MYO6: variants seen among roughly 807,000 people sequenced by gnomAD.
The protein encoded by MYO6 is unconventional myosin-VI.
A neutral mutation model predicts 178.7 loss-of-function variants in MYO6; 74 were observed. The observed-to-expected ratio is 0.41, with a 90% CI of 0.34 to 0.50. The LOEUF is 0.50. Ranked by LOEUF, MYO6 falls within the 20% of genes least tolerant of loss-of-function variation. The pLI is 0.09. For missense variants in MYO6, 1,330 were observed against 1,547.4 expected (o/e 0.86, Z 2.36); for synonymous variants, 477 against 504.6 (o/e 0.95, Z 0.73).
At chr6:75,783,781 C>G (rs1361071173) in intron 1 of MYO6, among the ~76,000 whole-genome samples, 2 of 151,962 alleles carry the variant, frequency 1.3e-5, no homozygotes, top group African/African-American at 4.8e-5. Flanking sequence ...ATCATCTAGA[C>G]CACAACATAA....
At chr6:75,857,031 C>T in intron 12 of MYO6, 66 bp from the exon 13 acceptor site, 2 of 1,471,150 alleles carry the variant, frequency 1.4e-6, no homozygotes, top group African/African-American at 1.4e-5. Flanking sequence ...TGTTTAGGTG[C>T]ACTCTGTGGC....
Position 75,830,499 on chromosome 6 carries a change from T to C in MYO6, c.345T>C (p.Tyr115=). ...ATTCTTCAGAAGCAATAAAGTCATA[T>C]CAAGGAAAATCTCTTGGGACAAGAC... is the stretch of plus-strand genomic sequence containing the variant. ...KIYSSEAIKS[Y]QGKSLGTRPP... The change falls in exon 5 of 35, where the codon TAT becomes TAC. Residue 115 remains tyrosine (Y), a synonymous_variant. Coordinates refer to ENST00000369977, the MANE Select transcript of MYO6 (RefSeq NM_004999.4). 6.2e-7 allele frequency: 1 copy of C among 1,612,490 alleles called. No individual in the cohort carries two copies. Among genetic ancestry groups the C allele is most frequent in the Non-Finnish European group, 8.5e-7 (1 of 1,178,708 alleles).
intron 26 of MYO6, among the ~76,000 whole-genome samples, chr6:75,890,904 G>T (rs1461783680): frequency 6.6e-6 from 1 of 152,080 alleles, no homozygotes; most frequent in Non-Finnish European, 1.5e-5. Context: ...GCCATGATAG[G>T]GTAGAGAGAA....
chr6:75,866,690 T>C, intron 17 of MYO6, 69 bp downstream of exon 17: 1 of 1,321,824 alleles, frequency 7.6e-7, no homozygotes, highest in Non-Finnish European at 1.1e-6. Flanking sequence ...TGATAGCTTC[T>C]AGTCACGTGG....
In MYO6 at chr6:75,891,219, TTTTA is replaced by T. The variant is rs974655457; in HGVS notation, c.2868-6_2868-3del. 6.3e-7 allele frequency: 1 copy of T among 1,583,048 alleles called. No individual in the cohort carries two copies. The highest frequency in any genetic ancestry group is 8.6e-7 in the Non-Finnish European group (1 of 1,156,838). On this transcript the variant is annotated splice_region_variant and splice_polypyrimidine_tract_variant and intron_variant, in intron 26 of 34. Transcript: ENST00000369977. The stretch of plus-strand genomic sequence containing the variant: ...TTAAATTTTTGAAGAGTTTTCTATT[TTTTA>T]TTAGGAAACTTGAGATGGAAGCAAA...
In MYO6 at chr6:75,898,411, G is replaced by A. The variant is rs202214380; in HGVS notation, c.3176G>A (p.Arg1059Lys). 1 of 1,608,428 alleles carries A rather than the reference G, an allele frequency of 6.2e-7. No homozygotes were observed. The highest frequency in any genetic ancestry group is 8.5e-7 in the Non-Finnish European group (1 of 1,175,056). Residue 1059 changes from arginine (R) to lysine (K), a missense_variant and splice_region_variant, in exon 30 of 35, where the codon AGA (arginine) becomes AAA (lysine). This residue lies in a region of MYO6 where 601 missense variants were observed against 626.1 expected (regional missense o/e 0.96). Coordinates refer to ENST00000369977, the MANE Select transcript of MYO6 (RefSeq NM_004999.4). ...AAAGAAATGTCAGAATTTTTGAGTA[G>A]GTTAGTGCAGTGTAATTGGGGGAAA... is the stretch of plus-strand genomic sequence containing the variant. ...MAKEMSEFLS[R>K]GPAVLATKAA...
chr6:75,794,613 A>C (rs895612321), intron 1 of MYO6, among the ~76,000 whole-genome samples: 1 of 152,134 alleles, frequency 6.6e-6, no homozygotes, highest in Non-Finnish European at 1.5e-5. Flanking sequence ...AAAGGACTCA[A>C]ATACGTACCT....
At position 75,917,334 on chromosome 6, in the gene MYO6, A is replaced by G. The variant is rs1239591361; in HGVS notation, c.*2322A>G. ...TTAATACCAGTTCTTTCCATAGCAT[A>G]TGCTTTGCAAAGGCAGCATGCATAA... On this transcript the variant is annotated 3_prime_UTR_variant, in exon 35 of 35. Coordinates refer to ENST00000369977, the MANE Select transcript of MYO6 (RefSeq NM_004999.4). 2 of 152,700 alleles carry G rather than the reference A, an allele frequency of 1.3e-5. No homozygotes were observed. Among genetic ancestry groups the G allele is most frequent in the Non-Finnish European group, 2.9e-5 (2 of 68,046 alleles). The allele number at this position is 152,700 out of a possible 1,614,324, so 9.5% of individuals were successfully genotyped here. A position where few individuals can be genotyped will look rare whatever the true frequency, so the allele number is the denominator to read the frequency against.
chr6:75,833,384 CGTT>C (rs1454302563), intron 6 of MYO6, among the ~76,000 whole-genome samples: 1 of 152,228 alleles, frequency 6.6e-6, no homozygotes, highest in Non-Finnish European at 1.5e-5. Flanking sequence ...AGTATATTCA[CGTT>C]GTTGTGCAGC....
At chr6:75,846,821 A>T (rs978409442) in intron 10 of MYO6, among the ~76,000 whole-genome samples, 1 of 152,138 alleles carries the variant, frequency 6.6e-6, no homozygotes, top group African/African-American at 2.4e-5. Context: ...AAAGAGTAGC[A>T]TGTACTCTCC....
At chr6:75,832,797 A>C (rs112278668) in intron 5 of MYO6, 45 bp from the exon 6 acceptor site, 2 of 1,170,502 alleles carry the variant, frequency 1.7e-6, no homozygotes, top group Non-Finnish European at 2.6e-6. Flanking sequence ...TATTAACTTT[A>C]TATTTAATAT....
At chr6:75,903,717 T>G (rs372697665) in intron 30 of MYO6, among the ~76,000 whole-genome samples, 4 of 152,132 alleles carry the variant, frequency 2.6e-5, no homozygotes, top group African/African-American at 9.7e-5. Flanking sequence ...GGAGCATTTA[T>G]TCCATTTACA....
In MYO6 at chr6:75,855,272, A is replaced by G. The variant is rs397517044; in HGVS notation, c.1212A>G (p.Gly404=). The change falls in exon 12 of 35, where the codon GGA becomes GGG. Residue 404 remains glycine (G), a synonymous_variant. Transcript: ENST00000369977. The part of the protein sequence containing the change: ...VMLTTAGGTK[G]TVIKVPLKVE... Reference sequence around the variant, plus strand: ...TAACAACAGCAGGGGGCACCAAAGGAACAGTTATAAAGTAAGTTCCTTAAG... The same window carrying G: ...TAACAACAGCAGGGGGCACCAAAGGGACAGTTATAAAGTAAGTTCCTTAAG... 1.2e-6 allele frequency: 2 copies of G among 1,613,368 alleles called. No individual in the cohort carries two copies. Among genetic ancestry groups the G allele is most frequent in the African/African-American group, 2.7e-5 (2 of 74,914 alleles).
At chr6:75,893,248 A>T (rs1159340008) in intron 28 of MYO6, among the ~76,000 whole-genome samples, 1 of 152,028 alleles carries the variant, frequency 6.6e-6, no homozygotes, top group Non-Finnish European at 1.5e-5. Flanking sequence ...ATCTCTAAGC[A>T]CTCCACTATA....
chr6:75,803,036 C>T (rs780393942), intron 1 of MYO6, among the ~76,000 whole-genome samples: 22 of 152,178 alleles, frequency 1.4e-4, no homozygotes, highest in African/African-American at 4.6e-4. Flanking sequence ...ATTGTAATAA[C>T]GATTGCATAT....
intron 1 of MYO6, among the ~76,000 whole-genome samples, chr6:75,788,969 C>G (rs866689807): frequency 6.6e-5 from 10 of 152,152 alleles, no homozygotes; most frequent in Non-Finnish European, 1.2e-4. Context: ...ACATGATATT[C>G]CTTCATATGC....
chr6:75,866,911 C>G (rs1328380437), intron 17 of MYO6, 21 bp from the exon 18 acceptor site: 1 of 1,611,046 alleles, frequency 6.2e-7, no homozygotes, highest in Non-Finnish European at 8.5e-7. Context: ...CAGAAACATT[C>G]CTGTTTGATT....
At chr6:75,765,885 G>A (rs1778372596) in intron 1 of MYO6, among the ~76,000 whole-genome samples, 1 of 152,008 alleles carries the variant, frequency 6.6e-6, no homozygotes, top group Non-Finnish European at 1.5e-5. Flanking sequence ...AGGTTAGCTG[G>A]GCGTGGTAGG....
intron 1 of MYO6, among the ~76,000 whole-genome samples, chr6:75,749,941 AC>A (rs1160335901): frequency 2.0e-5 from 3 of 152,280 alleles, no homozygotes; most frequent in Admixed American, 6.5e-5. Context: ...ATGCTACTGA[AC>A]AAGAACTTTT....
Sources: allele counts gnomAD v4.1 joint callset (sites outside exome capture counted in the v4.1 genomes callset), GRCh38; gene constraint gnomAD v4.1.1; regional missense constraint gnomAD v4.1.1; transcripts MANE v1.5; gene names NCBI Gene and HGNC (gene_info 2026-07-23, HGNC 2026-07-21).